SYBU: variants seen among roughly 807,000 people sequenced by gnomAD.
The protein encoded by SYBU is syntabulin.
Under a neutral mutation model 35.9 loss-of-function variants are expected in SYBU, and 21 were observed. That is an observed-to-expected ratio of 0.58 (90% CI 0.41 to 0.84). The LOEUF (loss-of-function observed/expected upper bound fraction) is 0.84, where lower values mean the gene tolerates loss of function less well. Among genes scored for constraint, SYBU ranks in the 40% least tolerant of loss-of-function variants. The probability of loss-of-function intolerance (pLI) is 0.00; values close to 1 mark genes in which losing one functional copy is unlikely to be tolerated. For missense variants in SYBU, 768 were observed against 848.2 expected (o/e 0.91, Z 1.17); for synonymous variants, 319 against 324.3 (o/e 0.98, Z 0.18).
rs1821944874 is a variant in SYBU at position 109,574,079 on chromosome 8, T to C, written c.*827A>G. 6.6e-6 allele frequency: 1 copy of C among 152,254 alleles called. No individual in the cohort carries two copies. Among genetic ancestry groups the C allele is most frequent in the East Asian group, 1.9e-4 (1 of 5,204 alleles). 9.4% of individuals were successfully genotyped at this position (152,254 alleles called of 1,614,324 possible). A position where few individuals can be genotyped will look rare whatever the true frequency, so the allele number is the denominator to read the frequency against. On this transcript the variant is annotated 3_prime_UTR_variant, in exon 7 of 7. Transcript: ENST00000276646. ...ATAACTAACTCTTTTTCCCTCTTCCTAATTTAATTCAATTTTTACAGACCC... is the reference window on the plus strand; with the variant it reads ...ATAACTAACTCTTTTTCCCTCTTCCCAATTTAATTCAATTTTTACAGACCC...
chr8:109,678,853 C>A (rs1442613788), intron 1 of SYBU, among the ~76,000 whole-genome samples: 2 of 152,002 alleles, frequency 1.3e-5, no homozygotes, highest in Non-Finnish European at 2.9e-5. Context: ...TGCATGGAGC[C>A]CACCATGTGA....
upstream of SYBU, chr8:109,681,154 G>T (rs952853235): frequency 1.1e-4 from 16 of 152,220 alleles, no homozygotes; most frequent in Non-Finnish European, 7.3e-5. Context: ...ACTGAGAAAA[G>T]AAATGTTTCA....
intron 1 of SYBU, among the ~76,000 whole-genome samples, chr8:109,653,541 C>T (rs1329175017): frequency 2.0e-5 from 3 of 152,168 alleles, no homozygotes; most frequent in African/African-American, 4.8e-5. Context: ...GGTGGGAAAA[C>T]CCCACAACCC....
At chr8:109,615,023 C>T (rs183028402) in intron 3 of SYBU, among the ~76,000 whole-genome samples, 12 of 152,306 alleles carry the variant, frequency 7.9e-5, no homozygotes, top group African/African-American at 2.2e-4. Flanking sequence ...TCTTCTTCTG[C>T]ATCATACACT....
chr8:109,691,204 C>G lies in SYBU; in HGVS notation c.-58+129G>C. ...ATCGCCGAGCACCCTGGATACCTCC[C>G]GCATTGGAAAGGGTGGTCCTGGGGT... On this transcript the variant is annotated intron_variant, in intron 1 of 7. Transcript: ENST00000422135. The surrounding 1 kb of genome is among the most constrained non-coding windows in gnomAD (Gnocchi z 4.7). 1 of 607,056 alleles carries G rather than the reference C, an allele frequency of 1.6e-6. No homozygotes were observed. The highest frequency in any genetic ancestry group is 3.2e-5 in the East Asian group (1 of 30,948). The allele number at this position is 607,056 out of a possible 1,614,324, so 37.6% of individuals were successfully genotyped here. A position where few individuals can be genotyped will look rare whatever the true frequency, so the allele number is the denominator to read the frequency against.
chr8:109,691,481 C>T lies in SYBU; in HGVS notation c.-206G>A, dbSNP rs1443187793. On this transcript the variant is annotated 5_prime_UTR_variant, in exon 1 of 8. Coordinates refer to the SYBU transcript ENST00000422135. The surrounding 1 kb of genome is among the most constrained non-coding windows in gnomAD (Gnocchi z 4.7). ...GCGCTCAGGCCCGGGGAGCCGGGCC[C>T]GGCCCGCTCCGCCCGCCTTAGCCCG... The T allele has an allele frequency of 5.6e-6, 3 of 533,616 alleles. No individual in the cohort carries two copies. Among genetic ancestry groups the T allele is most frequent in the South Asian group, 2.5e-5 (1 of 40,106 alleles). The allele number at this position is 533,616 out of a possible 1,614,324, so 33.1% of individuals were successfully genotyped here. A position where few individuals can be genotyped will look rare whatever the true frequency, so the allele number is the denominator to read the frequency against.
At chr8:109,675,691 G>C (rs929546947) in intron 1 of SYBU, among the ~76,000 whole-genome samples, 4 of 152,202 alleles carry the variant, frequency 2.6e-5, no homozygotes, top group African/African-American at 7.2e-5. Flanking sequence ...AGGATTCACA[G>C]CTGAATTCTA....
At chr8:109,580,237 C>A (rs1822867492) in intron 4 of SYBU, 1 of 506,596 alleles carries the variant, frequency 2.0e-6, no homozygotes, top group Non-Finnish European at 3.6e-6. Flanking sequence ...TAGTTTCTGA[C>A]CATAAAGCTT....
chr8:109,642,673 T>C (rs900606490), intron 2 of SYBU, 55 bp downstream of exon 2: 2 of 1,291,652 alleles, frequency 1.5e-6, no homozygotes, highest in Non-Finnish European at 2.1e-6. Flanking sequence ...CCATTCACAA[T>C]GCACCTGCAG....
At chr8:109,644,998 A>AG, upstream of SYBU, 1 of 461,792 alleles carries the variant, frequency 2.2e-6, no homozygotes, top group Non-Finnish European at 4.0e-6. Flanking sequence ...GCGCCCCCCC[A>AG]GCCAGAGCCG....
chr8:109,665,592 A>G (rs1401113024), intron 1 of SYBU, among the ~76,000 whole-genome samples: 2 of 152,220 alleles, frequency 1.3e-5, no homozygotes, highest in Admixed American at 6.5e-5. Context: ...TTGACTTCAA[A>G]TCAGCTAATT....
At chr8:109,645,289 C>T (rs1315546432), upstream of SYBU, 1 of 456,666 alleles carries the variant, frequency 2.2e-6, no homozygotes, top group East Asian at 7.0e-5. Context: ...CCTCTCGTAC[C>T]GGAGCCCAGC....
intron 1 of SYBU, among the ~76,000 whole-genome samples, chr8:109,678,075 G>A (rs1444765011): frequency 5.4e-5 from 8 of 147,896 alleles, no homozygotes; most frequent in Non-Finnish European, 1.2e-4. Context: ...TGGGGGTCGC[G>A]GTGAGCTGAG....
intron 5 of SYBU, among the ~76,000 whole-genome samples, chr8:109,578,514 C>T (rs1419608460): frequency 2.0e-5 from 3 of 152,196 alleles, no homozygotes; most frequent in African/African-American, 7.2e-5. Flanking sequence ...AATGGGTGAC[C>T]TCACTTCAGA....
intron 4 of SYBU, among the ~76,000 whole-genome samples, chr8:109,581,630 G>T (rs547017164): frequency 6.6e-6 from 1 of 152,332 alleles, no homozygotes; most frequent in Non-Finnish European, 1.5e-5. Context: ...CTTTCATATA[G>T]TAGTACTGCT....
intron 6 of SYBU, 41 bp from the exon 7 acceptor site, chr8:109,576,054 A>C (rs1395749251): frequency 4.1e-5 from 62 of 1,494,644 alleles, no homozygotes; most frequent in Non-Finnish European, 5.4e-5. Flanking sequence ...AAAAAAAAAA[A>C]AAAAAAAAAA....
intron 3 of SYBU, among the ~76,000 whole-genome samples, chr8:109,589,679 T>C (rs1824003147): frequency 6.6e-6 from 1 of 152,188 alleles, no homozygotes; most frequent in South Asian, 2.1e-4. Flanking sequence ...TGTGCATGTA[T>C]GCTAACGCCA....
At chr8:109,677,474 G>A (rs1488708518) in intron 1 of SYBU, among the ~76,000 whole-genome samples, 7 of 152,248 alleles carry the variant, frequency 4.6e-5, no homozygotes, top group Admixed American at 2.0e-4. Context: ...CCAGGCAAAG[G>A]TTTGAATTAA....
chr8:109,641,682 G>A (rs1057006196), intron 2 of SYBU, among the ~76,000 whole-genome samples: 1 of 152,144 alleles, frequency 6.6e-6, no homozygotes, highest in Non-Finnish European at 1.5e-5. Flanking sequence ...TATAATTAGA[G>A]GTACACAGGC....
Sources: allele counts gnomAD v4.1 joint callset (sites outside exome capture counted in the v4.1 genomes callset), GRCh38; gene constraint gnomAD v4.1.1; non-coding constraint Gnocchi (gnomAD v3.1); transcripts MANE v1.5; gene names NCBI Gene and HGNC (gene_info 2026-07-23, HGNC 2026-07-21).